The following SKAP2 variants were observed in gnomAD, a reference collection of about 807,000 sequenced individuals.
The protein encoded by SKAP2 is src kinase associated phosphoprotein 2.
Under a neutral mutation model 54.9 loss-of-function variants are expected in SKAP2, and 28 were observed. That is an observed-to-expected ratio of 0.51 (90% CI 0.38 to 0.70). SKAP2 has a LOEUF of 0.70. Ranked by LOEUF, SKAP2 falls within the 30% of genes least tolerant of loss-of-function variation. The probability of loss-of-function intolerance (pLI) is 0.00; values close to 1 mark genes in which losing one functional copy is unlikely to be tolerated. For missense variants in SKAP2, 356 were observed against 424.1 expected (o/e 0.84, Z 1.41); for synonymous variants, 137 against 134.3 (o/e 1.02, Z -0.14).
intron 4 of SKAP2, among the ~76,000 whole-genome samples, chr7:26,808,170 G>A (rs1011129598): frequency 1.3e-5 from 2 of 152,164 alleles, no homozygotes; most frequent in African/African-American, 4.8e-5. Flanking sequence ...GGTCAAAAGT[G>A]TAGGCTCTGC....
At chr7:26,790,461 T>C (rs912509160) in intron 4 of SKAP2, among the ~76,000 whole-genome samples, 1 of 152,206 alleles carries the variant, frequency 6.6e-6, no homozygotes, top group Non-Finnish European at 1.5e-5. Flanking sequence ...TTGGTACAGG[T>C]AACTGTGAGG....
intron 4 of SKAP2, among the ~76,000 whole-genome samples, chr7:26,779,543 GACA>G (rs1783382255): frequency 6.6e-6 from 1 of 151,920 alleles, no homozygotes; most frequent in African/African-American, 2.4e-5. Flanking sequence ...TCTCAAAATT[GACA>G]ACCACATGAC....
intron 4 of SKAP2, among the ~76,000 whole-genome samples, chr7:26,832,139 TTAGAG>T (rs527700057): frequency 7.0e-4 from 106 of 152,336 alleles, no homozygotes; most frequent in African/African-American, 2.5e-3. Context: ...CTTTAACCTC[TTAGAG>T]TATTTATGGT....
In SKAP2 at chr7:26,684,719, T is replaced by C. The variant is rs1255526494; in HGVS notation, c.987+17A>G. 2 of 1,499,492 alleles carry C rather than the reference T, an allele frequency of 1.3e-6. No individual in the cohort carries two copies. The highest frequency in any genetic ancestry group is 2.3e-5 in the South Asian group (2 of 88,186). 92.9% of individuals were successfully genotyped at this position (1,499,492 alleles called of 1,614,324 possible). A position where few individuals can be genotyped will look rare whatever the true frequency, so the allele number is the denominator to read the frequency against. On this transcript the variant is annotated intron_variant, in intron 11 of 12. Coordinates refer to ENST00000345317, the MANE Select transcript of SKAP2 (RefSeq NM_003930.5). ...GTATTCCCTCTTTACAAACGTCATT[T>C]TGGGGTATCTTCTTACCTTGCTAAG...
chr7:26,725,958 T>C lies in SKAP2; in HGVS notation c.623A>G (p.Glu208Gly). ...AAATTTCAGCTGCTGTACCCATTCT[T>C]CAGCATCTTTGGGAGAAGCTGCTGT... ...QFTAASPKDA[E>G]EWVQQLKFVL... Residue 208 changes from glutamate (E) to glycine (G), a missense_variant, in exon 8 of 13, where the codon GAA becomes GGA. Transcript: ENST00000345317. 6.2e-7 allele frequency: 1 copy of C among 1,611,350 alleles called. No homozygotes were observed. The highest frequency in any genetic ancestry group is 8.5e-7 in the Non-Finnish European group (1 of 1,178,554).
intron 8 of SKAP2, 122 bp from the exon 9 acceptor site, chr7:26,725,687 A>T: frequency 9.7e-7 from 1 of 1,025,732 alleles, no homozygotes; most frequent in Non-Finnish European, 1.4e-6. Context: ...TTATGTCCTT[A>T]ACTAAAAACA....
intron 4 of SKAP2, among the ~76,000 whole-genome samples, chr7:26,778,688 A>G (rs1016016001): frequency 1.3e-5 from 2 of 151,926 alleles, no homozygotes; most frequent in African/African-American, 4.8e-5. Flanking sequence ...GAAAGCAGGT[A>G]ACACCTTACA....
intron 4 of SKAP2, among the ~76,000 whole-genome samples, chr7:26,767,850 T>C (rs898204229): frequency 1.3e-5 from 2 of 152,222 alleles, no homozygotes; most frequent in Admixed American, 6.5e-5. Flanking sequence ...TTCTGTTCTT[T>C]TGCATTTACT....
intron 4 of SKAP2, among the ~76,000 whole-genome samples, chr7:26,757,487 G>A (rs1022706348): frequency 6.6e-6 from 1 of 152,134 alleles, no homozygotes; most frequent in African/African-American, 2.4e-5. Flanking sequence ...GGTTGCAGAT[G>A]TGTGGTATTA....
In SKAP2 at chr7:26,683,280, G is replaced by A. The variant is rs144715219; in HGVS notation, c.987+1456C>T. Among the ~76,000 whole-genome samples the A allele has an allele frequency of 5.6e-3, 855 of 152,230 alleles. 6 individuals carry two copies. Among genetic ancestry groups the A allele is most frequent in the African/African-American group, 0.02 (816 of 41,538 alleles). ...ACCAAAAAGCTGTTATCTTAACTCA[G>A]GACAATTTAATGCTTAATAACAGGC... is the stretch of plus-strand genomic sequence containing the variant. On this transcript the variant is annotated intron_variant, in intron 11 of 12. Coordinates refer to ENST00000345317, the MANE Select transcript of SKAP2 (RefSeq NM_003930.5).
chr7:26,672,004 AG>A (rs1441565305), intron 11 of SKAP2, among the ~76,000 whole-genome samples: 1 of 152,004 alleles, frequency 6.6e-6, no homozygotes, highest in Non-Finnish European at 1.5e-5. Flanking sequence ...GGTAGGTCTG[AG>A]TGTTAAAGCT....
chr7:26,765,938 G>A (rs1562602521), intron 4 of SKAP2, among the ~76,000 whole-genome samples: 1 of 152,114 alleles, frequency 6.6e-6, no homozygotes, highest in Non-Finnish European at 1.5e-5. Context: ...GTTTAGGATT[G>A]TCTTAGCTAT....
chr7:26,704,134 A>G (rs1281074454), intron 9 of SKAP2, among the ~76,000 whole-genome samples: 1 of 152,266 alleles, frequency 6.6e-6, no homozygotes. Flanking sequence ...AATCGTTTAA[A>G]AAAATGCTCC....
At chr7:26,737,858 A>G (rs904472291) in intron 6 of SKAP2, among the ~76,000 whole-genome samples, 3 of 152,232 alleles carry the variant, frequency 2.0e-5, no homozygotes, top group African/African-American at 7.2e-5. Flanking sequence ...ATTAATTAAC[A>G]ATGAAGTTAT....
intron 3 of SKAP2, among the ~76,000 whole-genome samples, chr7:26,850,064 A>G (rs997475589): frequency 1.3e-5 from 2 of 152,214 alleles, no homozygotes; most frequent in African/African-American, 4.8e-5. Context: ...ACAGTATTAG[A>G]AAATTCTTAT....
At chr7:26,773,650 G>A (rs1783236796) in intron 4 of SKAP2, among the ~76,000 whole-genome samples, 1 of 152,048 alleles carries the variant, frequency 6.6e-6, no homozygotes, top group East Asian at 1.9e-4. Context: ...ACATCCACAA[G>A]GCATGAGTCA....
At chr7:26,755,123 C>G (rs1464079235) in intron 4 of SKAP2, among the ~76,000 whole-genome samples, 1 of 152,146 alleles carries the variant, frequency 6.6e-6, no homozygotes, top group Non-Finnish European at 1.5e-5. Flanking sequence ...TATGTTTTAT[C>G]TACCTTAATA....
chr7:26,738,181 C>G (rs557792805), intron 6 of SKAP2, among the ~76,000 whole-genome samples: 1 of 152,288 alleles, frequency 6.6e-6, no homozygotes, highest in Admixed American at 6.5e-5. Flanking sequence ...TGACCTTGAA[C>G]AAGTCACTTA....
At chr7:26,743,772 C>G (rs1782505605) in intron 4 of SKAP2, among the ~76,000 whole-genome samples, 3 of 152,120 alleles carry the variant, frequency 2.0e-5, no homozygotes, top group Admixed American at 2.0e-4. Context: ...TTCCAGCATG[C>G]AATTTGAGAA....
Sources: gnomAD v4.1 joint callset for allele counts (sites outside exome capture counted in the v4.1 genomes callset) on GRCh38, gnomAD v4.1.1 for gene constraint, MANE v1.5 for transcripts, NCBI Gene and HGNC (gene_info 2026-07-23, HGNC 2026-07-21) for gene names.